SEMA6A: variants seen among roughly 807,000 people sequenced by gnomAD.
The protein encoded by SEMA6A is semaphorin-6A.
SEMA6A carries 25 observed loss-of-function variants against 96.8 expected under a neutral mutation model. The ratio of observed to expected loss-of-function variants is 0.26; its 90% CI spans 0.19 to 0.36. SEMA6A has a LOEUF of 0.36. Among genes scored for constraint, SEMA6A ranks in the 10% least tolerant of loss-of-function variants. SEMA6A has a pLI of 1.00. For synonymous variants in SEMA6A, 612 were observed against 518.0 expected, an observed-to-expected ratio of 1.18 and a Z score of -2.46; for missense variants, 1,363 against 1,323.1, an observed-to-expected ratio of 1.03 and a Z score of -0.47.
At position 116,486,847 on chromosome 5, in the gene SEMA6A, G is replaced by A; in HGVS notation, c.864C>T (p.Asp288=). The A allele has an allele frequency of 6.2e-7, 1 of 1,613,746 alleles. No homozygotes were observed. Among genetic ancestry groups the A allele is most frequent in the African/African-American group, 1.3e-5 (1 of 74,996 alleles). The change falls in exon 10 of 19, where the codon GAC becomes GAT. Residue 288 remains aspartate (D), a synonymous_variant. Transcript: ENST00000343348. ...KARLNCSVPG[D]SHFYFNILQA... ...GGAGAATGTTGAAATAAAAATGAGA[G>A]TCTCCAGGAACTGAGCAGTTCAAGC...
At chr5:116,548,158 T>C (rs2112878213) in intron 1 of SEMA6A, among the ~76,000 whole-genome samples, 1 of 152,354 alleles carries the variant, frequency 6.6e-6, no homozygotes. Context: ...AGGCCAGTTA[T>C]AATGCCTTCG....
chr5:116,447,382 C>T lies in SEMA6A; in HGVS notation c.2324G>A (p.Arg775His), dbSNP rs763071365. The stretch of plus-strand genomic sequence containing the variant: ...GAGGTTCTGGTTCCTCTCCCACTCG[C>T]GGCTGCCGCGGCTGGGCTTCCGCTT... Reference protein sequence around the residue: ...QQKRKPSRGSREWERNQNLIN... With the variant: ...QQKRKPSRGSHEWERNQNLIN... The change falls in exon 19 of 19, where the codon CGC becomes CAC. Residue 775 changes from arginine (R) to histidine (H), a missense_variant. Around this residue, in one of 2 missense-constraint regions of SEMA6A, gnomAD observed 883 missense variants for 763.6 expected, o/e 1.16. Transcript: ENST00000343348. The T allele has an allele frequency of 1.2e-6, 2 of 1,614,006 alleles. No individual in the cohort carries two copies. Among genetic ancestry groups the T allele is most frequent in the Non-Finnish European group, 8.5e-7 (1 of 1,179,902 alleles).
chr5:116,462,973 CTT>C (rs1255143242), intron 18 of SEMA6A, among the ~76,000 whole-genome samples: 4 of 152,012 alleles, frequency 2.6e-5, no homozygotes, highest in African/African-American at 4.8e-5. Flanking sequence ...CAAAGGGAAA[CTT>C]GATATCATTA....
At chr5:116,537,938 A>T (rs1759792752) in intron 1 of SEMA6A, among the ~76,000 whole-genome samples, 1 of 152,144 alleles carries the variant, frequency 6.6e-6, no homozygotes, top group Non-Finnish European at 1.5e-5. Context: ...GCACTTTGGG[A>T]GGCCGAGGCG....
At chr5:116,497,189 T>G (rs955552101) in intron 4 of SEMA6A, 138 bp downstream of exon 4, 1 of 580,620 alleles carries the variant, frequency 1.7e-6, no homozygotes, top group Non-Finnish European at 3.1e-6. Flanking sequence ...TATTCCCTAA[T>G]TAGGATTTCA....
intron 2 of SEMA6A, among the ~76,000 whole-genome samples, chr5:116,503,126 T>C (rs937303226): frequency 6.6e-5 from 10 of 152,168 alleles, no homozygotes; most frequent in African/African-American, 2.2e-4. Flanking sequence ...CCTTTACACC[T>C]ACGATCTCCA....
intron 1 of SEMA6A, among the ~76,000 whole-genome samples, chr5:116,565,959 T>C (rs1561540114): frequency 6.6e-6 from 1 of 152,166 alleles, no homozygotes; most frequent in Non-Finnish European, 1.5e-5. Context: ...GCAATATTAA[T>C]GAAAAGACTG....
chr5:116,477,958 G>A (rs1255528645), intron 14 of SEMA6A, 32 bp from the exon 15 acceptor site: 1 of 1,613,854 alleles, frequency 6.2e-7, no homozygotes, highest in Non-Finnish European at 8.5e-7. Context: ...GAGCTACCTA[G>A]GACTGTTTCC....
Position 116,454,622 on chromosome 5 carries a change from A to C in SEMA6A, c.1895-6811T>G, listed in dbSNP as rs138933678. Reference sequence around the variant, plus strand: ...AGCCACACCCCAGCCAGTCGAGGTGACCACGCTGAAAGTGAAATGGGAACT... The same window carrying C: ...AGCCACACCCCAGCCAGTCGAGGTGCCCACGCTGAAAGTGAAATGGGAACT... On this transcript the variant is annotated intron_variant, in intron 18 of 18. Coordinates refer to ENST00000343348, the MANE Select transcript of SEMA6A (RefSeq NM_020796.5). 4.3e-3 allele frequency among the ~76,000 whole-genome samples: 651 copies of C among 152,270 alleles called. 3 individuals are homozygous for C. Among genetic ancestry groups the C allele is most frequent in the African/African-American group, 0.015 (621 of 41,558 alleles).
chr5:116,517,394 CA>C lies in SEMA6A; in HGVS notation c.-38-12413del, dbSNP rs546068894. Among the ~76,000 whole-genome samples the C allele has an allele frequency of 2.7e-3, 415 of 152,016 alleles. 1 individual carries two copies. The highest frequency in any genetic ancestry group is 9.5e-3 in the African/African-American group (392 of 41,444). ...AAGGAAATCCTTGAGAGTAAATTCC[CA>C]ACACTGGTTTTGCTAAAATGAGAAC... On this transcript the variant is annotated intron_variant, in intron 1 of 18. Transcript: ENST00000343348.
At chr5:116,456,442 A>G (rs1755015286) in intron 18 of SEMA6A, among the ~76,000 whole-genome samples, 1 of 152,228 alleles carries the variant, frequency 6.6e-6, no homozygotes, top group Non-Finnish European at 1.5e-5. Context: ...AAGAATAGAA[A>G]TCGACCTTGT....
chr5:116,478,923 TGA>T (rs769036873), intron 12 of SEMA6A, among the ~76,000 whole-genome samples: 4 of 102,386 alleles, frequency 3.9e-5, no homozygotes, highest in East Asian at 2.4e-4. Context: ...GAAGGAGGTG[TGA>T]GAGAGTGTGT....
At chr5:116,472,735 G>A (rs1756225947) in intron 17 of SEMA6A, 6 of 597,434 alleles carry the variant, frequency 1.0e-5, no homozygotes, top group South Asian at 7.9e-5. Context: ...AATTTTTGAA[G>A]GACGGTGAAA....
At chr5:116,552,447 T>G (rs1760453171) in intron 1 of SEMA6A, among the ~76,000 whole-genome samples, 1 of 152,138 alleles carries the variant, frequency 6.6e-6, no homozygotes, top group Non-Finnish European at 1.5e-5. Flanking sequence ...ATAAAAAAGC[T>G]CTGCAAAACT....
At chr5:116,497,162 T>A (rs1757642532) in intron 4 of SEMA6A, among the ~76,000 whole-genome samples, 165 bp downstream of exon 4, 1 of 152,240 alleles carries the variant, frequency 6.6e-6, no homozygotes, top group Admixed American at 6.5e-5. Context: ...TTTCTGAACA[T>A]GTATCAAATC....
intron 9 of SEMA6A, 174 bp from the exon 10 acceptor site, chr5:116,487,140 T>C: frequency 1.7e-6 from 1 of 585,574 alleles, no homozygotes; most frequent in South Asian, 2.1e-5. Flanking sequence ...AAACTCAGCA[T>C]TAGAGTAGCA....
At chr5:116,508,607 A>AC (rs1205943169) in intron 1 of SEMA6A, among the ~76,000 whole-genome samples, 4 of 152,218 alleles carry the variant, frequency 2.6e-5, no homozygotes, top group Non-Finnish European at 5.9e-5. Context: ...AAGCTGACTC[A>AC]GAGAGAAGAA....
intron 18 of SEMA6A, among the ~76,000 whole-genome samples, chr5:116,459,534 G>GT (rs1321553375): frequency 6.6e-6 from 1 of 152,046 alleles, no homozygotes; most frequent in Non-Finnish European, 1.5e-5. Flanking sequence ...CATACACTTA[G>GT]TCACCACACA....
intron 1 of SEMA6A, among the ~76,000 whole-genome samples, chr5:116,528,248 G>T (rs1200267603): frequency 6.6e-6 from 1 of 152,112 alleles, no homozygotes; most frequent in Non-Finnish European, 1.5e-5. Flanking sequence ...GAAACTAAAA[G>T]TAAATAGCAA....
Sources: gnomAD v4.1 joint callset for allele counts (sites outside exome capture counted in the v4.1 genomes callset) on GRCh38, gnomAD v4.1.1 for gene constraint, gnomAD v4.1.1 regional missense constraint, MANE v1.5 for transcripts, NCBI Gene and HGNC (gene_info 2026-07-23, HGNC 2026-07-21) for gene names.